The following TAFA4 variants were observed in gnomAD, a reference collection of about 807,000 sequenced individuals.
The protein encoded by TAFA4 is chemokine-like protein TAFA-4.
TAFA4 carries 20 observed loss-of-function variants against 21.1 expected under a neutral mutation model. The ratio of observed to expected loss-of-function variants is 0.95; its 90% CI spans 0.67 to 1.38. The LOEUF (loss-of-function observed/expected upper bound fraction) is 1.38. Ranked by LOEUF, TAFA4 falls within the 40% of genes most tolerant of loss-of-function variation. The pLI is 0.00. For synonymous variants in TAFA4, 71 were observed against 67.4 expected, an observed-to-expected ratio of 1.05 and a Z score of -0.26; for missense variants, 211 against 180.9, an observed-to-expected ratio of 1.17 and a Z score of -0.95.
At chr3:68,827,370 G>C (rs888100620) in intron 3 of TAFA4, among the ~76,000 whole-genome samples, 1 of 152,070 alleles carries the variant, frequency 6.6e-6, no homozygotes, top group Non-Finnish European at 1.5e-5. Flanking sequence ...CTTTATAGTA[G>C]AATTATTTAT....
intron 3 of TAFA4, among the ~76,000 whole-genome samples, chr3:68,851,566 A>C (rs140927941): frequency 1.7e-3 from 255 of 152,240 alleles, no homozygotes; most frequent in African/African-American, 5.7e-3. Context: ...AAAGAGAGAG[A>C]TATTTTAGCC....
chr3:68,920,618 G>A (rs1028396798), intron 1 of TAFA4, among the ~76,000 whole-genome samples: 2 of 149,932 alleles, frequency 1.3e-5, no homozygotes, highest in African/African-American at 4.9e-5. Context: ...AGAGTTAGAA[G>A]TGATTTTTAC....
chr3:68,812,347 G>C (rs932980709), intron 3 of TAFA4, among the ~76,000 whole-genome samples: 1 of 152,132 alleles, frequency 6.6e-6, no homozygotes, highest in African/African-American at 2.4e-5. Flanking sequence ...ATGTAAGTGG[G>C]CTAAATGCTC....
At chr3:68,851,619 C>T (rs1704952547) in intron 3 of TAFA4, among the ~76,000 whole-genome samples, 1 of 152,114 alleles carries the variant, frequency 6.6e-6, no homozygotes, top group Non-Finnish European at 1.5e-5. Context: ...TAAATACTTG[C>T]TAGGCAAATA....
intron 3 of TAFA4, among the ~76,000 whole-genome samples, chr3:68,819,864 A>C (rs1400732074): frequency 6.6e-6 from 1 of 152,226 alleles, no homozygotes; most frequent in Non-Finnish European, 1.5e-5. Flanking sequence ...GCCATTATGG[A>C]AAACAGTACG....
At chr3:68,738,401 TGTA>T (rs1408106359) in intron 5 of TAFA4, among the ~76,000 whole-genome samples, 2 of 152,284 alleles carry the variant, frequency 1.3e-5, no homozygotes, top group African/African-American at 4.8e-5. Context: ...ACAAAATTAT[TGTA>T]GTCACTGTGT....
intron 3 of TAFA4, among the ~76,000 whole-genome samples, chr3:68,811,762 G>A (rs7639815): frequency 0.63 from 96,393 of 152,042 alleles, 31,281 homozygotes; most frequent in East Asian, 0.98. Context: ...AGGATATTAC[G>A]CAGGAGAACT....
intron 3 of TAFA4, among the ~76,000 whole-genome samples, chr3:68,791,460 CT>C (rs1257849289): frequency 2.6e-5 from 4 of 152,122 alleles, no homozygotes; most frequent in African/African-American, 4.8e-5. Flanking sequence ...GAGCATAGCC[CT>C]GCCAACACCC....
chr3:68,925,620 A>C (rs1017408481), intron 1 of TAFA4, among the ~76,000 whole-genome samples: 2 of 152,240 alleles, frequency 1.3e-5, no homozygotes, highest in Non-Finnish European at 2.9e-5. Context: ...GATGCATTAC[A>C]AAGAAACTCA....
At position 68,884,072 on chromosome 3, in the gene TAFA4, G is replaced by A. The variant is rs531449218; in HGVS notation, c.14+1103C>T. On this transcript the variant is annotated intron_variant, in intron 2 of 5. Coordinates refer to ENST00000295569, the MANE Select transcript of TAFA4 (RefSeq NM_182522.5). ...ACAAGATGGGATGTTCTTCAGTAATGAAAGTGATATTATAAAATGAAAATA... is the reference window on the plus strand; with the variant it reads ...ACAAGATGGGATGTTCTTCAGTAATAAAAGTGATATTATAAAATGAAAATA... 2.5e-3 allele frequency among the ~76,000 whole-genome samples: 382 copies of A among 152,282 alleles called. 2 individuals are homozygous for A. Among genetic ancestry groups the A allele is most frequent in the African/African-American group, 9.0e-3 (374 of 41,564 alleles).
chr3:68,783,757 G>GAAAGAAAGAAAGAAAGAAAC (rs1310357090), intron 3 of TAFA4, among the ~76,000 whole-genome samples: 2 of 149,072 alleles, frequency 1.3e-5, no homozygotes, highest in Non-Finnish European at 1.5e-5. Flanking sequence ...AAGAAAGAAA[G>GAAAGAAAGAAAGAAAGAAAC]AAACAAAAAC....
intron 3 of TAFA4, among the ~76,000 whole-genome samples, chr3:68,811,343 G>C (rs1021485618): frequency 6.6e-6 from 1 of 152,186 alleles, no homozygotes; most frequent in African/African-American, 2.4e-5. Context: ...GACAAGCTGA[G>C]ACAAGAAGGC....
At chr3:68,858,976 C>G (rs1354504930) in intron 3 of TAFA4, among the ~76,000 whole-genome samples, 1 of 151,674 alleles carries the variant, frequency 6.6e-6, no homozygotes, top group Non-Finnish European at 1.5e-5. Context: ...TGAAAAATGT[C>G]CCATCTGCAA....
At chr3:68,750,595 G>C (rs1217923663) in intron 4 of TAFA4, among the ~76,000 whole-genome samples, 3 of 152,088 alleles carry the variant, frequency 2.0e-5, no homozygotes, top group Non-Finnish European at 4.4e-5. Context: ...CTAGGGTGGT[G>C]GCCAAAGGGG....
At chr3:68,753,194 G>C (rs1370421294) in intron 3 of TAFA4, among the ~76,000 whole-genome samples, 176 bp from the exon 4 acceptor site, 1 of 152,162 alleles carries the variant, frequency 6.6e-6, no homozygotes, top group Non-Finnish European at 1.5e-5. Flanking sequence ...GTGGTGAGAA[G>C]AGTGCAAAAA....
intron 3 of TAFA4, among the ~76,000 whole-genome samples, chr3:68,841,607 T>C (rs1704667612): frequency 6.6e-6 from 1 of 152,118 alleles, no homozygotes; most frequent in Non-Finnish European, 1.5e-5. Context: ...GTGCGATCTG[T>C]TACATAGGTT....
At chr3:68,797,128 C>T (rs146185811) in intron 3 of TAFA4, among the ~76,000 whole-genome samples, 2 of 152,192 alleles carry the variant, frequency 1.3e-5, no homozygotes, top group Non-Finnish European at 2.9e-5. Flanking sequence ...ACCACATGAT[C>T]TGGTAATCCC....
chr3:68,908,768 T>C (rs576491729), intron 1 of TAFA4, among the ~76,000 whole-genome samples: 2 of 152,308 alleles, frequency 1.3e-5, no homozygotes, highest in South Asian at 4.1e-4. Flanking sequence ...AACAAAAGTA[T>C]ACTACTCAAA....
At chr3:68,830,448 C>T (rs922092350) in intron 3 of TAFA4, among the ~76,000 whole-genome samples, 2 of 152,156 alleles carry the variant, frequency 1.3e-5, no homozygotes, top group Non-Finnish European at 2.9e-5. Context: ...GTTATTTACC[C>T]AGTAGTCATT....
Sources: gnomAD v4.1 joint callset for allele counts (sites outside exome capture counted in the v4.1 genomes callset) on GRCh38, gnomAD v4.1.1 for gene constraint, MANE v1.5 for transcripts, NCBI Gene and HGNC (gene_info 2026-07-23, HGNC 2026-07-21) for gene names.